NPRL3: variants seen among roughly 807,000 people sequenced by gnomAD.
The protein encoded by NPRL3 is GATOR1 complex protein NPRL3.
NPRL3 carries 23 observed loss-of-function variants against 57.2 expected under a neutral mutation model. The ratio of observed to expected loss-of-function variants is 0.40; its 90% CI spans 0.29 to 0.57. The LOEUF is 0.57. NPRL3 is among the 20% of genes least tolerant of loss of function. NPRL3 has a pLI of 0.42. For missense variants in NPRL3, 691 were observed against 767.1 expected (o/e 0.90, Z 1.17); for synonymous variants, 333 against 321.1 (o/e 1.04, Z -0.39).
At position 85,487 on chromosome 16, in the gene NPRL3, G is replaced by A. The variant is rs771688051; in HGVS notation, c.*1218C>T. ...TCAGCTTCGCAGCACCCTCCGGAAA[G>A]GCACCGCCAGCCGTGTCCTCAAGGA... On this transcript the variant is annotated 3_prime_UTR_variant, in exon 14 of 14. Coordinates refer to ENST00000611875, the MANE Select transcript of NPRL3 (RefSeq NM_001077350.3). The A allele has an allele frequency of 2.5e-6, 4 of 1,613,098 alleles. No homozygotes were observed. Among genetic ancestry groups the A allele is most frequent in the Non-Finnish European group, 3.4e-6 (4 of 1,180,040 alleles).
intron 7 of NPRL3, among the ~76,000 whole-genome samples, chr16:108,654 T>C (rs2141942123): frequency 9.5e-6 from 1 of 105,116 alleles, no homozygotes; most frequent in East Asian, 2.3e-4. Context: ...TATTTTTTAT[T>C]TTACTTTTGT....
At chr16:87,414 T>C (rs1313809994) in intron 13 of NPRL3, among the ~76,000 whole-genome samples, 1 of 152,004 alleles carries the variant, frequency 6.6e-6, no homozygotes, top group Non-Finnish European at 1.5e-5. Context: ...CTCTCTTTTT[T>C]AGTAGAGACA....
At chr16:131,616 A>AAG (rs1900806175) in intron 2 of NPRL3, among the ~76,000 whole-genome samples, 7 of 151,566 alleles carry the variant, frequency 4.6e-5, no homozygotes, top group Admixed American at 4.6e-4. Flanking sequence ...AAAAAAAAAA[A>AAG]AAACGCTAAC....
intron 3 of NPRL3, among the ~76,000 whole-genome samples, chr16:122,679 C>G (rs1019112524): frequency 2.0e-5 from 3 of 152,206 alleles, no homozygotes; most frequent in Admixed American, 2.0e-4. Context: ...GGAAGATGAA[C>G]CAGCCCAGCC....
chr16:95,886 A>T (rs17525396), intron 9 of NPRL3, among the ~76,000 whole-genome samples: 1,853 of 152,242 alleles, frequency 0.012, 20 homozygotes, highest in Middle Eastern at 0.031. Context: ...GGGACTTTAA[A>T]CTATCTGGTG....
At chr16:111,949 T>G (rs1040195113) in intron 6 of NPRL3, among the ~76,000 whole-genome samples, 1 of 152,216 alleles carries the variant, frequency 6.6e-6, no homozygotes, top group African/African-American at 2.4e-5. Flanking sequence ...GGTGTCTCTT[T>G]ATGTTTTGAA....
intron 11 of NPRL3, 120 bp downstream of exon 11, chr16:92,476 A>G: frequency 7.6e-7 from 1 of 1,322,950 alleles, no homozygotes; most frequent in South Asian, 1.3e-5. Flanking sequence ...CAAGCCCCCA[A>G]AACCAAGGAG....
intron 9 of NPRL3, among the ~76,000 whole-genome samples, chr16:95,340 TATATATATATAC>T (rs1567132236): frequency 9.1e-5 from 5 of 55,062 alleles, no homozygotes; most frequent in Non-Finnish European, 4.7e-5. Context: ...TATATATATA[TATATATATATAC>T]ACACACACAC....
intron 2 of NPRL3, among the ~76,000 whole-genome samples, chr16:136,231 A>C (rs1185243926): frequency 6.6e-6 from 1 of 152,272 alleles, no homozygotes; most frequent in African/African-American, 2.4e-5. Flanking sequence ...AGGACACGAT[A>C]AACAAATCAC....
chr16:107,137 T>A (rs1035234581), intron 7 of NPRL3, among the ~76,000 whole-genome samples: 3 of 152,210 alleles, frequency 2.0e-5, no homozygotes, highest in Admixed American at 1.3e-4. Flanking sequence ...CAGGAAAGAA[T>A]GCTACATGCT....
intron 3 of NPRL3, among the ~76,000 whole-genome samples, chr16:122,920 A>T (rs1356148359): frequency 2.6e-5 from 4 of 152,190 alleles, no homozygotes; most frequent in African/African-American, 4.8e-5. Context: ...CAAGGCCCAG[A>T]GGAGATGCAC....
rs149318391 is a variant in NPRL3, at chr16:85,707, G to A, written c.*998C>T. The A allele has an allele frequency of 9.7e-6, 15 of 1,539,194 alleles. No homozygotes were observed. The highest frequency in any genetic ancestry group is 7.8e-5 in the Admixed American group (4 of 51,612). ...GGGGAGTGGGCCCGGAAACCCCTCC[G>A]CTTCTATGTCCGGGGCAGCCCCTGG... On this transcript the variant is annotated 3_prime_UTR_variant, in exon 14 of 14. Transcript: ENST00000611875.
intron 8 of NPRL3, among the ~76,000 whole-genome samples, chr16:99,959 C>CA (rs11304941): frequency 0.25 from 15,430 of 60,704 alleles, 1,467 homozygotes; most frequent in Non-Finnish European, 0.35. Context: ...CACACCCCCG[C>CA]AAAAAAAAAA....
intron 6 of NPRL3, among the ~76,000 whole-genome samples, chr16:111,261 G>A (rs1050857227): frequency 2.6e-5 from 4 of 151,908 alleles, no homozygotes; most frequent in East Asian, 3.9e-4. Context: ...TTAGCCGGGC[G>A]TGGTGGCGGG....
chr16:124,112 T>C (rs1331874745), intron 3 of NPRL3, among the ~76,000 whole-genome samples: 2 of 1,928 alleles, frequency 1.0e-3, no homozygotes, highest in Non-Finnish European at 1.1e-3. Context: ...ACTCCCAACA[T>C]GTGAGAAACA....
intron 7 of NPRL3, among the ~76,000 whole-genome samples, chr16:105,442 A>G (rs914560640): frequency 3.3e-5 from 5 of 152,168 alleles, no homozygotes; most frequent in Non-Finnish European, 7.3e-5. Flanking sequence ...TGGGTTCCAA[A>G]CAGCCTACCT....
chr16:93,813 G>A (rs1836321694), intron 9 of NPRL3, among the ~76,000 whole-genome samples: 5 of 152,276 alleles, frequency 3.3e-5, no homozygotes, highest in Admixed American at 2.6e-4. Context: ...CACCCACCTT[G>A]GCCTTCCAAA....
At chr16:103,674 C>T (rs1041406241) in intron 7 of NPRL3, among the ~76,000 whole-genome samples, 4 of 152,216 alleles carry the variant, frequency 2.6e-5, no homozygotes, top group African/African-American at 9.6e-5. Context: ...CTTCACTCAG[C>T]GGCATCTAGA....
Position 92,644 on chromosome 16 carries a change from C to G in NPRL3, c.1113G>C (p.Pro371=), listed in dbSNP as rs148130584. Residue 371 remains proline (P), a synonymous_variant, in exon 11 of 14, where the codon CCG becomes CCC. Transcript: ENST00000611875. ...LPSVLAKFSL[P]VSLSEFRNPL... is the part of the protein sequence containing the mutation. ...GATTCCTAAATTCTGACAAGGAGAC[C>G]GGCAAGGAGAACTTGGCAAGAACGG... is the stretch of plus-strand genomic sequence containing the variant. 79 of 1,613,668 alleles carry G rather than the reference C, an allele frequency of 4.9e-5. No homozygotes were observed. The highest frequency in any genetic ancestry group is 6.1e-5 in the Non-Finnish European group (72 of 1,179,756).
Sources: allele counts gnomAD v4.1 joint callset (sites outside exome capture counted in the v4.1 genomes callset), GRCh38; gene constraint gnomAD v4.1.1; transcripts MANE v1.5; gene names NCBI Gene and HGNC (gene_info 2026-07-23, HGNC 2026-07-21).